SLC16A10: variants seen among roughly 807,000 people sequenced by gnomAD.
SLC16A10 encodes monocarboxylate transporter 10.
SLC16A10 carries 27 observed loss-of-function variants against 40.0 expected under a neutral mutation model. The observed-to-expected ratio is 0.67, with a 90% CI of 0.50 to 0.93. The LOEUF is 0.93. SLC16A10 is among the 40% of genes least tolerant of loss of function. SLC16A10 has a pLI of 0.00. For synonymous variants in SLC16A10, 213 were observed against 249.8 expected (o/e 0.85, Z 1.39); for missense variants, 529 against 658.2 (o/e 0.80, Z 2.15).
At chr6:111,138,749 T>G (rs1771928025) in intron 1 of SLC16A10, among the ~76,000 whole-genome samples, 2 of 152,116 alleles carry the variant, frequency 1.3e-5, no homozygotes, top group African/African-American at 4.8e-5. Context: ...GCCTTCCAAG[T>G]AGCTGGGACT....
chr6:111,153,892 T>A (rs1007506754), intron 1 of SLC16A10, among the ~76,000 whole-genome samples: 1 of 152,248 alleles, frequency 6.6e-6, no homozygotes, highest in Non-Finnish European at 1.5e-5. Flanking sequence ...TTTTAAATCT[T>A]GGTCCAGCCA....
intron 1 of SLC16A10, among the ~76,000 whole-genome samples, chr6:111,158,395 A>G (rs1772310897): frequency 6.6e-6 from 1 of 152,082 alleles, no homozygotes; most frequent in Admixed American, 6.6e-5. Context: ...GACAAATTGG[A>G]GGGGGAATGA....
At position 111,173,015 on chromosome 6, in the gene SLC16A10, T is replaced by A. The variant is rs374912850; in HGVS notation, c.488+176T>A. Among the ~76,000 whole-genome samples, 11 of 152,360 alleles carry A rather than the reference T, an allele frequency of 7.2e-5. No individual in the cohort carries two copies. In the East Asian group the frequency reaches 1.9e-3, roughly 27 times the overall value. ...ATAGCAGCAAATCAGAGCTTGAGAA[T>A]TTGAATGCTTTTTTTTCTTGTAATG... is the stretch of plus-strand genomic sequence containing the variant. On this transcript the variant is annotated intron_variant, in intron 2 of 5. Transcript: ENST00000368851.
chr6:111,149,260 T>C (rs1468975685), intron 1 of SLC16A10, among the ~76,000 whole-genome samples: 2 of 152,312 alleles, frequency 1.3e-5, no homozygotes, highest in Admixed American at 1.3e-4. Context: ...ATGTTCTGCA[T>C]TGGTTTAAGG....
Position 111,222,266 on chromosome 6 carries a change from G to A in SLC16A10, c.*31G>A. 6.5e-7 allele frequency: 1 copy of A among 1,545,872 alleles called. No individual in the cohort carries two copies. The highest frequency in any genetic ancestry group is 8.6e-7 in the Non-Finnish European group (1 of 1,158,712). ...TACATACCTCCACCAGACTGGACTT[G>A]CTTTTTGAATTTTAAGCAAGTTTCC... On this transcript the variant is annotated 3_prime_UTR_variant, in exon 6 of 6. Transcript: ENST00000368851.
At chr6:111,103,631 ACT>A (rs1771229902) in intron 1 of SLC16A10, among the ~76,000 whole-genome samples, 1 of 152,176 alleles carries the variant, frequency 6.6e-6, no homozygotes, top group African/African-American at 2.4e-5. Context: ...TACATAAGTA[ACT>A]CTGAGAGAAT....
intron 1 of SLC16A10, among the ~76,000 whole-genome samples, chr6:111,165,920 A>G (rs1470807731): frequency 6.6e-6 from 1 of 152,236 alleles, no homozygotes; most frequent in East Asian, 1.9e-4. Context: ...TTACAAGGTC[A>G]AGCTCCCAAG....
intron 1 of SLC16A10, among the ~76,000 whole-genome samples, chr6:111,088,369 C>T (rs1290469329): frequency 3.3e-5 from 5 of 152,236 alleles, no homozygotes; most frequent in Non-Finnish European, 7.3e-5. Flanking sequence ...TTCCCCTCAG[C>T]AGAGCAGACG....
At chr6:111,117,116 C>A (rs564096648) in intron 1 of SLC16A10, among the ~76,000 whole-genome samples, 2 of 151,820 alleles carry the variant, frequency 1.3e-5, no homozygotes, top group Non-Finnish European at 2.9e-5. Flanking sequence ...TTTGGGAGGC[C>A]GAGGTGGGTG....
chr6:111,175,987 G>A (rs1772678599), intron 2 of SLC16A10, among the ~76,000 whole-genome samples: 1 of 152,030 alleles, frequency 6.6e-6, no homozygotes, highest in South Asian at 2.1e-4. Context: ...GAGCCACCAC[G>A]TCTGGCCAAG....
chr6:111,101,536 C>G (rs1363063172), intron 1 of SLC16A10, among the ~76,000 whole-genome samples: 1 of 152,152 alleles, frequency 6.6e-6, no homozygotes, highest in Admixed American at 6.5e-5. Context: ...CAGGTCAGTT[C>G]AGATCAAGTT....
In SLC16A10 at chr6:111,230,796, T is replaced by C. The variant is rs1009967022; in HGVS notation, c.*8561T>C. The C allele has an allele frequency of 6.6e-6, 1 of 152,208 alleles. No individual in the cohort carries two copies. Among genetic ancestry groups the C allele is most frequent in the Non-Finnish European group, 1.5e-5 (1 of 68,040 alleles). 9.4% of individuals were successfully genotyped at this position (152,208 alleles called of 1,614,324 possible). Reference sequence around the variant, plus strand: ...AATGTTTATTTGAAAATTAATTTTTTAATTATTTTGTATATTTTGAGTTAG... The same window carrying C: ...AATGTTTATTTGAAAATTAATTTTTCAATTATTTTGTATATTTTGAGTTAG... On this transcript the variant is annotated 3_prime_UTR_variant, in exon 6 of 6. Coordinates refer to ENST00000368851, the MANE Select transcript of SLC16A10 (RefSeq NM_018593.5).
chr6:111,170,883 A>G (rs1220876667), intron 1 of SLC16A10, among the ~76,000 whole-genome samples: 1 of 152,180 alleles, frequency 6.6e-6, no homozygotes, highest in Non-Finnish European at 1.5e-5. Flanking sequence ...CATGCCTGTA[A>G]TGCCAGCAAT....
intron 1 of SLC16A10, among the ~76,000 whole-genome samples, chr6:111,137,986 C>T (rs532881028): frequency 5.3e-5 from 8 of 152,300 alleles, no homozygotes; most frequent in African/African-American, 9.6e-5. Context: ...TAAACCCAGG[C>T]GTTCTAGCCG....
Position 111,230,852 on chromosome 6 carries a change from C to T in SLC16A10, c.*8617C>T, listed in dbSNP as rs1771104262. The T allele has an allele frequency of 6.6e-6, 1 of 152,026 alleles. No individual in the cohort carries two copies. Among genetic ancestry groups the T allele is most frequent in the Non-Finnish European group, 1.5e-5 (1 of 68,010 alleles). 9.4% of individuals were successfully genotyped at this position (152,026 alleles called of 1,614,324 possible). The stretch of plus-strand genomic sequence containing the variant: ...CACACTTTATCTTAGACACCAAAGC[C>T]AAATTATTCCAAGTGTATGCTATAC... On this transcript the variant is annotated 3_prime_UTR_variant, in exon 6 of 6. Coordinates refer to ENST00000368851, the MANE Select transcript of SLC16A10 (RefSeq NM_018593.5).
At chr6:111,174,462 A>T (rs1205342765) in intron 2 of SLC16A10, among the ~76,000 whole-genome samples, 1 of 147,362 alleles carries the variant, frequency 6.8e-6, no homozygotes, top group Non-Finnish European at 1.5e-5. Context: ...TTGGATTTTT[A>T]AAAATTATAT....
chr6:111,099,899 T>C (rs1357158177), intron 1 of SLC16A10, among the ~76,000 whole-genome samples: 1 of 151,668 alleles, frequency 6.6e-6, no homozygotes, highest in African/African-American at 2.4e-5. Flanking sequence ...GGCAGGCACC[T>C]GTAGTCCCAG....
chr6:111,153,746 G>T (rs1051638162), intron 1 of SLC16A10, among the ~76,000 whole-genome samples: 1 of 152,198 alleles, frequency 6.6e-6, no homozygotes, highest in African/African-American at 2.4e-5. Flanking sequence ...GAATGAAACC[G>T]TATATATAAA....
At chr6:111,178,242 A>G (rs1307746490) in intron 3 of SLC16A10, among the ~76,000 whole-genome samples, 1 of 152,216 alleles carries the variant, frequency 6.6e-6, no homozygotes, top group Non-Finnish European at 1.5e-5. Flanking sequence ...GAAACATTAC[A>G]TCTACTTGTG....
Sources: allele counts gnomAD v4.1 joint callset (sites outside exome capture counted in the v4.1 genomes callset), GRCh38; gene constraint gnomAD v4.1.1; transcripts MANE v1.5; gene names NCBI Gene and HGNC (gene_info 2026-07-23, HGNC 2026-07-21).